PSD3: variants seen among roughly 807,000 people sequenced by gnomAD.
The protein encoded by PSD3 is pleckstrin and Sec7 domain containing 3, also known as PH and SEC7 domain-containing protein 3.
Under a neutral mutation model 105.5 loss-of-function variants are expected in PSD3, and 49 were observed. The observed-to-expected ratio is 0.46, with a 90% CI of 0.37 to 0.59. The LOEUF is 0.59. Ranked by LOEUF, PSD3 falls within the 20% of genes least tolerant of loss-of-function variation. PSD3 has a pLI of 0.00. For missense variants in PSD3, 1,561 were observed against 1,263.8 expected, an observed-to-expected ratio of 1.24 and a Z score of -3.57; for synonymous variants, 557 against 457.8, an observed-to-expected ratio of 1.22 and a Z score of -2.77.
At chr8:18,695,779 T>C (rs1233827081) in intron 9 of PSD3, among the ~76,000 whole-genome samples, 5 of 152,218 alleles carry the variant, frequency 3.3e-5, no homozygotes, top group Non-Finnish European at 7.3e-5. Flanking sequence ...TTCCAAGGAC[T>C]ACACTCTAGA....
chr8:18,688,258 T>C (rs191673847), intron 9 of PSD3, among the ~76,000 whole-genome samples: 1,536 of 147,966 alleles, frequency 0.01, 19 homozygotes, highest in African/African-American at 0.024. Context: ...GTCAGGCTGT[T>C]TGTTTGTTTG....
At chr8:18,551,654 C>A (rs559167205) in intron 15 of PSD3, among the ~76,000 whole-genome samples, 4 of 152,282 alleles carry the variant, frequency 2.6e-5, no homozygotes, top group African/African-American at 9.6e-5. Context: ...GCATATGCTA[C>A]TCTGGGTCGC....
chr8:18,809,118 T>G lies in PSD3; in HGVS notation c.1635-4220A>C, dbSNP rs553427572. Among the ~76,000 whole-genome samples the G allele has an allele frequency of 7.9e-5, 12 of 152,354 alleles. No homozygotes were observed. The South Asian group carries it at 2.3e-3, about 29-fold the overall frequency. The stretch of plus-strand genomic sequence containing the variant: ...GGGATAACACCCCATTTTGTTTTCT[T>G]GAATACACAAGACATTGCAGCTCTA... On this transcript the variant is annotated intron_variant, in intron 4 of 15. Coordinates refer to ENST00000327040, the MANE Select transcript of PSD3 (RefSeq NM_015310.4).
At chr8:19,017,199 C>T (rs1827205153), upstream of PSD3, among the ~76,000 whole-genome samples, 1 of 151,858 alleles carries the variant, frequency 6.6e-6, no homozygotes, top group African/African-American at 2.4e-5. Context: ...ACTACAGGCA[C>T]ACACCACCAG....
At chr8:18,900,931 CATT>C (rs1258059170) in intron 2 of PSD3, among the ~76,000 whole-genome samples, 1 of 152,228 alleles carries the variant, frequency 6.6e-6, no homozygotes, top group East Asian at 1.9e-4. Flanking sequence ...GTGGCTTCAA[CATT>C]ATTATATAGT....
In PSD3 at chr8:19,078,943, A is replaced by G. The variant is rs183064776; in HGVS notation, c.324+5263T>C. On this transcript the variant is annotated intron_variant, in intron 1 of 1. Coordinates refer to the PSD3 transcript ENST00000521475. ...GAAAAACAAGACCTATTGGAGTTGC[A>G]TTGAGCCCCTGTGTCCCAGCTCCCA... 3.6e-3 allele frequency among the ~76,000 whole-genome samples: 536 copies of G among 150,826 alleles called. 3 individuals are homozygous for G. The highest frequency in any genetic ancestry group is 0.012 in the African/African-American group (515 of 41,288).
At chr8:18,728,312 T>C (rs1803481894) in intron 9 of PSD3, among the ~76,000 whole-genome samples, 1 of 152,246 alleles carries the variant, frequency 6.6e-6, no homozygotes, top group Non-Finnish European at 1.5e-5. Context: ...ACATGGTTTA[T>C]GCCTTCTCCA....
At chr8:18,928,210 C>T (rs188813463) in intron 2 of PSD3, among the ~76,000 whole-genome samples, 1 of 152,160 alleles carries the variant, frequency 6.6e-6, no homozygotes, top group African/African-American at 2.4e-5. Context: ...CAGTTTCCCC[C>T]ATACTGTTCT....
intron 11 of PSD3, among the ~76,000 whole-genome samples, chr8:18,617,915 C>T (rs1444892115): frequency 6.6e-6 from 1 of 152,182 alleles, no homozygotes; most frequent in Admixed American, 6.5e-5. Context: ...TTGAAATGAT[C>T]TGCAAAGCCG....
chr8:19,006,416 C>T (rs1826686758), intron 1 of PSD3, among the ~76,000 whole-genome samples: 1 of 151,672 alleles, frequency 6.6e-6, no homozygotes, highest in South Asian at 2.1e-4. Flanking sequence ...GTCATTCTTT[C>T]TCCTCTTCCT....
chr8:18,946,508 A>G (rs11786290), intron 1 of PSD3, among the ~76,000 whole-genome samples: 99,500 of 152,006 alleles, frequency 0.65, 32,798 homozygotes, highest in Non-Finnish European at 0.67. Flanking sequence ...TTGAGTCCAG[A>G]AGGTTGAGGC....
chr8:18,678,994 A>G (rs1215476254), intron 9 of PSD3, among the ~76,000 whole-genome samples: 2 of 114,914 alleles, frequency 1.7e-5, no homozygotes, highest in Admixed American at 1.6e-4. Flanking sequence ...TTAAAAATGT[A>G]CTCCTTCAAC....
At chr8:18,705,255 T>C in intron 9 of PSD3, among the ~76,000 whole-genome samples, 1 of 152,124 alleles carries the variant, frequency 6.6e-6, no homozygotes, top group East Asian at 1.9e-4. Context: ...AGGCCAGGCG[T>C]GATGGCTCAT....
chr8:18,570,630 AAAAC>A lies in PSD3; in HGVS notation c.2784+1894_2784+1897del, dbSNP rs1019314181. 6.6e-3 allele frequency among the ~76,000 whole-genome samples: 971 copies of A among 147,346 alleles called. 10 individuals are homozygous for A. Among genetic ancestry groups the A allele is most frequent in the African/African-American group, 0.023 (938 of 40,484 alleles). On this transcript the variant is annotated intron_variant, in intron 14 of 15. Transcript: ENST00000327040. Reference sequence around the variant, plus strand: ...TGAATTCAAACAAATTTACAAGAAAAAAACAAACAACCCCATCAAAAAGTGGGCG... The same window carrying A: ...TGAATTCAAACAAATTTACAAGAAAAAAACAACCCCATCAAAAAGTGGGCG...
intron 1 of PSD3, among the ~76,000 whole-genome samples, chr8:18,968,813 T>A (rs1824447477): frequency 7.2e-6 from 1 of 139,224 alleles, no homozygotes; most frequent in Non-Finnish European, 1.5e-5. Flanking sequence ...GAGGTGGAGG[T>A]TGCAGTGAGC....
exon 1 of PSD3, chr8:19,084,264 C>A (rs1445163937): frequency 2.2e-6 from 1 of 456,158 alleles, no homozygotes; most frequent in Non-Finnish European, 4.4e-6. Context: ...CACAGCTGGA[C>A]AGTACCTGTA....
intron 4 of PSD3, among the ~76,000 whole-genome samples, chr8:18,847,719 G>A (rs917925461): frequency 2.0e-5 from 3 of 152,144 alleles, no homozygotes; most frequent in African/African-American, 7.2e-5. Context: ...AACAGAGCTG[G>A]GGCCAGAGCC....
At chr8:18,884,567 C>T (rs1300425972) in intron 2 of PSD3, among the ~76,000 whole-genome samples, 3 of 152,068 alleles carry the variant, frequency 2.0e-5, no homozygotes, top group Admixed American at 1.3e-4. Context: ...CTGGCTATTG[C>T]CTGGACACTG....
At chr8:19,055,617 G>A (rs548950815) in intron 1 of PSD3, among the ~76,000 whole-genome samples, 1 of 152,298 alleles carries the variant, frequency 6.6e-6, no homozygotes, top group Non-Finnish European at 1.5e-5. Flanking sequence ...CTAAGCTATG[G>A]TTTTTAAGGT....
Sources: allele counts gnomAD v4.1 joint callset (sites outside exome capture counted in the v4.1 genomes callset), GRCh38; gene constraint gnomAD v4.1.1; transcripts MANE v1.5; gene names NCBI Gene and HGNC (gene_info 2026-07-23, HGNC 2026-07-21).